Variants in DCAF10 observed in about 807,000 individuals in gnomAD.
DCAF10 encodes DDB1- and CUL4-associated factor 10.
DCAF10 carries 19 observed loss-of-function variants against 51.9 expected under a neutral mutation model. The observed-to-expected ratio is 0.37, with a 90% CI of 0.26 to 0.54. The LOEUF is 0.54. DCAF10 is among the 20% of genes least tolerant of loss of function. DCAF10 has a pLI of 0.87. For missense variants in DCAF10, 510 were observed against 730.6 expected, an observed-to-expected ratio of 0.70 and a Z score of 3.48; for synonymous variants, 291 against 297.1, an observed-to-expected ratio of 0.98 and a Z score of 0.21.
rs1359444445 is a variant in DCAF10, at chr9:37,800,910, C to T, written c.44C>T (p.Ala15Val). The T allele has an allele frequency of 6.7e-7, 1 of 1,495,988 alleles. No individual in the cohort carries two copies. The highest frequency in any genetic ancestry group is 2.5e-5 in the East Asian group (1 of 39,946). The allele number at this position is 1,495,988 out of a possible 1,614,324, so 92.7% of individuals were successfully genotyped here. Reference protein sequence around the residue: ...GPHSPGGDGSAGAGAEEPTPH... With the variant: ...GPHSPGGDGSVGAGAEEPTPH... ...CATAGCCCTGGAGGGGACGGATCGG[C>T]CGGAGCCGGGGCTGAGGAGCCGACG... is the stretch of plus-strand genomic sequence containing the variant. Residue 15 changes from alanine (A) to valine (V), a missense_variant, in exon 1 of 7, where the codon GCC becomes GTC. Around this residue, in one of 4 missense-constraint regions of DCAF10, gnomAD observed 251 missense variants for 227.9 expected, o/e 1.10. Transcript: ENST00000377724.
intron 1 of DCAF10, among the ~76,000 whole-genome samples, chr9:37,804,103 A>G (rs1256808084): frequency 6.6e-6 from 1 of 152,036 alleles, no homozygotes; most frequent in Non-Finnish European, 1.5e-5. Context: ...CTATAGAGAT[A>G]ATTCACATAT....
chr9:37,851,053 G>A (rs566497129), intron 3 of DCAF10, among the ~76,000 whole-genome samples: 2 of 151,490 alleles, frequency 1.3e-5, no homozygotes, highest in Admixed American at 1.3e-4. Context: ...AGACCAGCCT[G>A]GCCAACATGG....
At chr9:37,851,401 T>C (rs1344233500) in intron 3 of DCAF10, among the ~76,000 whole-genome samples, 2 of 151,992 alleles carry the variant, frequency 1.3e-5, no homozygotes, top group Non-Finnish European at 2.9e-5. Flanking sequence ...TGTTGGTCTC[T>C]AACTTCTGGC....
intron 3 of DCAF10, among the ~76,000 whole-genome samples, chr9:37,853,033 T>G (rs1830729107): frequency 6.7e-6 from 1 of 148,664 alleles, no homozygotes; most frequent in African/African-American, 2.5e-5. Flanking sequence ...CATTAAAAAA[T>G]TTTATTTTTT....
Position 37,800,810 on chromosome 9 carries a change from C to T in DCAF10, c.-57C>T, listed in dbSNP as rs1041248001. 4.0e-6 allele frequency: 6 copies of T among 1,499,750 alleles called. No homozygotes were observed. In the African/African-American group the frequency reaches 6.9e-5, roughly 17 times the overall value. 92.9% of individuals were successfully genotyped at this position (1,499,750 alleles called of 1,614,324 possible). A position where few individuals can be genotyped will look rare whatever the true frequency, so the allele number is the denominator to read the frequency against. ...GCCGGAAGTGGCAGCTGAACAGGGGCACTGAGGTGTCGGCCGGCGGGGCAG... is the reference window on the plus strand; with the variant it reads ...GCCGGAAGTGGCAGCTGAACAGGGGTACTGAGGTGTCGGCCGGCGGGGCAG... On this transcript the variant is annotated 5_prime_UTR_variant, in exon 1 of 7. Coordinates refer to ENST00000377724, the MANE Select transcript of DCAF10 (RefSeq NM_024345.5).
rs200601349 is a variant in DCAF10 at position 37,855,001 on chromosome 9, G to C, written c.1054+19G>C. The C allele has an allele frequency of 6.3e-7, 1 of 1,577,418 alleles. No individual in the cohort carries two copies. Among genetic ancestry groups the C allele is most frequent in the Non-Finnish European group, 8.6e-7 (1 of 1,166,062 alleles). ...AGTTCAGGTAAGCTTTTCTTTTTTGGTCAAAAAGATTTTTCTCGAGAATCT... is the reference window on the plus strand; with the variant it reads ...AGTTCAGGTAAGCTTTTCTTTTTTGCTCAAAAAGATTTTTCTCGAGAATCT... On this transcript the variant is annotated intron_variant, in intron 4 of 6. Transcript: ENST00000377724.
chr9:37,833,513 A>G (rs1830063460), intron 2 of DCAF10, among the ~76,000 whole-genome samples: 1 of 152,208 alleles, frequency 6.6e-6, no homozygotes, highest in South Asian at 2.1e-4. Flanking sequence ...ACTTTCATTT[A>G]TACAATGAAA....
intron 3 of DCAF10, among the ~76,000 whole-genome samples, chr9:37,851,103 G>C (rs1830638497): frequency 6.6e-6 from 1 of 151,480 alleles, no homozygotes; most frequent in South Asian, 2.1e-4. Flanking sequence ...GAGTAGCCGG[G>C]TGTGGTGCCA....
At chr9:37,806,659 C>A (rs1829123331) in intron 1 of DCAF10, among the ~76,000 whole-genome samples, 1 of 152,168 alleles carries the variant, frequency 6.6e-6, no homozygotes, top group Non-Finnish European at 1.5e-5. Flanking sequence ...AGGATAGAAT[C>A]TACAGCAGAT....
chr9:37,814,116 A>G lies in DCAF10; in HGVS notation c.540-5172A>G, dbSNP rs1328510240. Among the ~76,000 whole-genome samples the G allele has an allele frequency of 5.2e-3, 435 of 84,124 alleles. 1 individual carries two copies. Among genetic ancestry groups the G allele is most frequent in the African/African-American group, 0.02 (407 of 19,872 alleles). The allele number at this position is 84,124 out of a possible 152,430, so 55.2% of individuals were successfully genotyped here. ...TATATATATATATATATATATATAT[A>G]TATATATATATTTGTTGTTGTTGTT... is the stretch of plus-strand genomic sequence containing the variant. On this transcript the variant is annotated intron_variant, in intron 1 of 6. Transcript: ENST00000377724.
rs746754132 is a variant in DCAF10, at chr9:37,801,080, G to A, written c.214G>A (p.Gly72Arg). Residue 72 changes from glycine (G) to arginine (R), a missense_variant, in exon 1 of 7, where the codon GGG becomes AGG. Gly to Arg is a moderately radical substitution (Grantham distance 125). Coordinates refer to ENST00000377724, the MANE Select transcript of DCAF10 (RefSeq NM_024345.5). This position sits in a 1 kb window ranked among gnomAD's most constrained non-coding sequence, Gnocchi z 5.5. Reference protein sequence around the residue: ...LSPAPRSGELGLPGAPESSTA... With the variant: ...LSPAPRSGELRLPGAPESSTA... ...CCCGGCCCCGCGCTCCGGAGAGCTA[G>A]GGCTGCCTGGAGCTCCGGAGTCCTC... The A allele has an allele frequency of 2.6e-6, 4 of 1,534,054 alleles. No individual in the cohort carries two copies. The South Asian group carries it at 4.8e-5, about 18-fold the overall frequency.
At position 37,801,061 on chromosome 9, in the gene DCAF10, C is replaced by T. The variant is rs745529237; in HGVS notation, c.195C>T (p.Ala65=). The change falls in exon 1 of 7, where the codon GCC becomes GCT. Residue 65 remains alanine (A), a synonymous_variant. Transcript: ENST00000377724. The surrounding 1 kb of genome is among the most constrained non-coding windows in gnomAD (Gnocchi z 5.5). ...RRPGAPSLSP[A]PRSGELGLPG... ...CCGGCGCCCCATCGCTGTCCCCGGC[C>T]CCGCGCTCCGGAGAGCTAGGGCTGC... 10 of 1,533,324 alleles carry T rather than the reference C, an allele frequency of 6.5e-6. No homozygotes were observed. The highest frequency in any genetic ancestry group is 7.8e-6 in the Non-Finnish European group (9 of 1,148,266). The allele number at this position is 1,533,324 out of a possible 1,614,324, so 95.0% of individuals were successfully genotyped here. A position where few individuals can be genotyped will look rare whatever the true frequency, so the allele number is the denominator to read the frequency against.
rs1273262533 is a variant in DCAF10, at chr9:37,814,117, TATATATATA to T, written c.540-5170_540-5162del. 5.3e-3 allele frequency among the ~76,000 whole-genome samples: 473 copies of T among 90,094 alleles called. 1 individual carries two copies. Among genetic ancestry groups the T allele is most frequent in the African/African-American group, 0.019 (442 of 23,078 alleles). The allele number at this position is 90,094 out of a possible 152,430, so 59.1% of individuals were successfully genotyped here. On this transcript the variant is annotated intron_variant, in intron 1 of 6. Transcript: ENST00000377724. ...ATATATATATATATATATATATATA[TATATATATA>T]TTTGTTGTTGTTGTTGTTGTTGTTG... is the stretch of plus-strand genomic sequence containing the variant.
In DCAF10 at chr9:37,801,488, G is replaced by A. The variant is rs75986742; in HGVS notation, c.539+83G>A. ...GACGGCCGTCCTGGGCTCGCTCCCC[G>A]CGCCCGGGCCGAGGTTAGCGAGGCC... On this transcript the variant is annotated intron_variant, in intron 1 of 6. Coordinates refer to ENST00000377724, the MANE Select transcript of DCAF10 (RefSeq NM_024345.5). The surrounding 1 kb of genome is among the most constrained non-coding windows in gnomAD (Gnocchi z 5.5). 4 of 1,334,088 alleles carry A rather than the reference G, an allele frequency of 3.0e-6. 1 individual carries two copies. Among genetic ancestry groups the A allele is most frequent in the East Asian group, 6.3e-5 (2 of 31,866 alleles). The allele number at this position is 1,334,088 out of a possible 1,614,324, so 82.6% of individuals were successfully genotyped here.
At chr9:37,812,726 T>G (rs1829387717) in intron 1 of DCAF10, among the ~76,000 whole-genome samples, 1 of 152,210 alleles carries the variant, frequency 6.6e-6, no homozygotes, top group Admixed American at 6.5e-5. Context: ...CTTGACTTCC[T>G]GGGCTCAAGT....
chr9:37,827,027 T>C (rs1441934410), intron 2 of DCAF10, among the ~76,000 whole-genome samples: 2 of 152,062 alleles, frequency 1.3e-5, no homozygotes, highest in Non-Finnish European at 2.9e-5. Context: ...GGTTTCTCCA[T>C]GTTAATCAGG....
chr9:37,836,050 CTGTA>C (rs1564038604), intron 2 of DCAF10: 1 of 1,106,862 alleles, frequency 9.0e-7, no homozygotes, highest in Non-Finnish European at 1.4e-6. Context: ...CACGGTAAGG[CTGTA>C]TTGGACAGTT....
At chr9:37,808,080 C>T (rs775960695) in intron 1 of DCAF10, among the ~76,000 whole-genome samples, 17 of 152,094 alleles carry the variant, frequency 1.1e-4, no homozygotes, top group Non-Finnish European at 2.1e-4. Flanking sequence ...CCACAAGTTT[C>T]AAAAGATTGG....
Position 37,850,829 on chromosome 9 carries a change from TATATATATATATATATATATATATATA to T in DCAF10, c.852-3950_852-3924del, listed in dbSNP as rs1830616845. Reference sequence around the variant, plus strand: ...GCTAAGTATGTGAGGATATATTTTATATATATATATATATATATATATATATATATATATATATATATATATATATAT... The same window carrying T: ...GCTAAGTATGTGAGGATATATTTTATTATATATATATATATATATATATAT... On this transcript the variant is annotated intron_variant, in intron 3 of 6. Transcript: ENST00000377724. 3.5e-4 allele frequency among the ~76,000 whole-genome samples: 24 copies of T among 67,900 alleles called. 3 individuals carry two copies. The highest frequency in any genetic ancestry group is 9.3e-4 in the East Asian group (1 of 1,074). 44.5% of individuals were successfully genotyped at this position (67,900 alleles called of 152,430 possible).
Sources: gnomAD v4.1 joint callset for allele counts (sites outside exome capture counted in the v4.1 genomes callset) on GRCh38, gnomAD v4.1.1 for gene constraint, gnomAD v4.1.1 regional missense constraint, Gnocchi (gnomAD v3.1) non-coding constraint, MANE v1.5 for transcripts, NCBI Gene and HGNC (gene_info 2026-07-23, HGNC 2026-07-21) for gene names.